Variants in RARS2 observed in about 807,000 individuals in gnomAD.
The protein encoded by RARS2 is arginyl-tRNA synthetase 2, mitochondrial.
A neutral mutation model predicts 88.5 loss-of-function variants in RARS2; 67 were observed. That is an observed-to-expected ratio of 0.76 (90% confidence interval 0.62 to 0.93). RARS2 has a LOEUF of 0.93. Ranked by LOEUF, RARS2 falls within the 40% of genes least tolerant of loss-of-function variation. The pLI is 0.00. For missense variants in RARS2, 664 were observed against 684.2 expected (o/e 0.97, Z 0.33); for synonymous variants, 239 against 230.3 (o/e 1.04, Z -0.34).
In RARS2 at chr6:87,549,709, G is replaced by A. The variant is rs144108502; in HGVS notation, c.396-1063C>T. ...ATTTAACATAGCAAATGCTTCTAGA[G>A]CACTCACTACCTGACAGGCACAGCT... On this transcript the variant is annotated intron_variant, in intron 5 of 19. Transcript: ENST00000369536. 5.9e-3 allele frequency among the ~76,000 whole-genome samples: 904 copies of A among 152,268 alleles called. 4 individuals carry two copies. The highest frequency in any genetic ancestry group is 9.8e-3 in the Non-Finnish European group (667 of 68,018).
intron 5 of RARS2, 67 bp downstream of exon 5, chr6:87,555,341 G>T: frequency 1.7e-6 from 2 of 1,198,570 alleles, no homozygotes; most frequent in South Asian, 1.2e-5. Flanking sequence ...CCCAAATAAT[G>T]ATGGTAATAA....
intron 1 of RARS2, among the ~76,000 whole-genome samples, chr6:87,571,285 G>T (rs894271279): frequency 1.3e-5 from 2 of 152,162 alleles, no homozygotes; most frequent in African/African-American, 4.8e-5. Flanking sequence ...GCCATGTGAA[G>T]AATGTGTCTG....
At chr6:87,564,469 C>T in intron 2 of RARS2, 1 of 478,414 alleles carries the variant, frequency 2.1e-6, no homozygotes, top group Non-Finnish European at 3.8e-6. Flanking sequence ...ACCAGCCTGG[C>T]CACATGGTAA....
chr6:87,555,266 G>T, intron 5 of RARS2, 142 bp downstream of exon 5: 1 of 631,994 alleles, frequency 1.6e-6, no homozygotes, highest in Non-Finnish European at 2.8e-6. Flanking sequence ...TTGATTCACT[G>T]TGATTTCAAG....
intron 5 of RARS2, among the ~76,000 whole-genome samples, chr6:87,553,345 T>C (rs974686407): frequency 1.3e-5 from 2 of 152,110 alleles, no homozygotes; most frequent in East Asian, 3.9e-4. Context: ...GAAATACCCC[T>C]CTCTCCCCAT....
At chr6:87,544,732 C>G (rs13212089) in intron 7 of RARS2, among the ~76,000 whole-genome samples, 9,692 of 152,284 alleles carry the variant, frequency 0.064, 392 homozygotes, top group African/African-American at 0.12. Flanking sequence ...TCTGAGTAAA[C>G]TCATTATATG....
chr6:87,514,549 A>G (rs775920238), intron 19 of RARS2, 50 bp from the exon 20 acceptor site: 9 of 1,415,346 alleles, frequency 6.4e-6, no homozygotes, highest in Non-Finnish European at 9.0e-6. Flanking sequence ...ACAGGAATGT[A>G]TTCAATACAT....
intron 18 of RARS2, among the ~76,000 whole-genome samples, chr6:87,516,165 T>G (rs1582237539): frequency 7.5e-6 from 1 of 133,576 alleles, no homozygotes; most frequent in South Asian, 2.2e-4. Context: ...AAGATACAGC[T>G]GCTGCTGCTA....
intron 1 of RARS2, among the ~76,000 whole-genome samples, chr6:87,581,952 A>G (rs1773614057): frequency 6.6e-6 from 1 of 152,196 alleles, no homozygotes; most frequent in Non-Finnish European, 1.5e-5. Flanking sequence ...TTACGGTTGC[A>G]CAGTATTCCA....
chr6:87,574,675 C>T (rs973673315), intron 1 of RARS2, among the ~76,000 whole-genome samples: 2 of 152,132 alleles, frequency 1.3e-5, no homozygotes, highest in African/African-American at 4.8e-5. Context: ...AAAAATGTAA[C>T]CCAATGAATA....
intron 9 of RARS2, among the ~76,000 whole-genome samples, chr6:87,530,517 G>C (rs552288858): frequency 6.6e-6 from 1 of 152,176 alleles, no homozygotes; most frequent in African/African-American, 2.4e-5. Flanking sequence ...GCCTAAGGAA[G>C]TGAAAGAACA....
chr6:87,563,029 C>G (rs1327523728), intron 3 of RARS2, among the ~76,000 whole-genome samples: 1 of 152,078 alleles, frequency 6.6e-6, no homozygotes, highest in Non-Finnish European at 1.5e-5. Flanking sequence ...TTCTCTTTCC[C>G]TCCCCTCAAA....
chr6:87,537,681 A>G (rs553711609), intron 8 of RARS2, among the ~76,000 whole-genome samples: 1 of 152,158 alleles, frequency 6.6e-6, no homozygotes. Context: ...ACTAACTACA[A>G]CTTGATATGG....
chr6:87,526,050 T>C (rs1026371904), intron 10 of RARS2, among the ~76,000 whole-genome samples: 3 of 152,038 alleles, frequency 2.0e-5, no homozygotes, highest in African/African-American at 7.2e-5. Flanking sequence ...TATTAATGGA[T>C]TGGAAAAATC....
chr6:87,522,333 TAAAAAAAAA>T (rs34710568), intron 11 of RARS2, among the ~76,000 whole-genome samples: 1 of 88,724 alleles, frequency 1.1e-5, no homozygotes, highest in African/African-American at 4.4e-5. Flanking sequence ...CCGTCTCAAT[TAAAAAAAAA>T]AAAAAAAAAA....
chr6:87,555,246 A>G (rs1331309206), intron 5 of RARS2, among the ~76,000 whole-genome samples, 162 bp downstream of exon 5: 1 of 152,142 alleles, frequency 6.6e-6, no homozygotes, highest in Non-Finnish European at 1.5e-5. Context: ...TTTTATTCAC[A>G]GTTCAATGAT....
intron 10 of RARS2, among the ~76,000 whole-genome samples, chr6:87,529,007 T>A (rs1200999890): frequency 1.3e-5 from 2 of 151,480 alleles, no homozygotes; most frequent in Non-Finnish European, 2.9e-5. Context: ...CAATTACAAC[T>A]TTTTTTTTAA....
chr6:87,555,356 C>G, intron 5 of RARS2, 52 bp downstream of exon 5: 3 of 1,389,772 alleles, frequency 2.2e-6, no homozygotes, highest in Non-Finnish European at 3.1e-6. Flanking sequence ...TAATAACACT[C>G]CTCTGCCCAG....
chr6:87,520,851 A>C (rs1773597246), intron 12 of RARS2, among the ~76,000 whole-genome samples: 1 of 152,204 alleles, frequency 6.6e-6, no homozygotes, highest in East Asian at 1.9e-4. Context: ...GGATTGGGTG[A>C]AGGTGTGATT....
Sources: allele counts gnomAD v4.1 joint callset (sites outside exome capture counted in the v4.1 genomes callset), GRCh38; gene constraint gnomAD v4.1.1; transcripts MANE v1.5; gene names NCBI Gene and HGNC (gene_info 2026-07-23, HGNC 2026-07-21).